The following MAP2K7 variants were observed in gnomAD, a reference collection of about 807,000 sequenced individuals.
MAP2K7 encodes the protein mitogen-activated protein kinase kinase 7.
A neutral mutation model predicts 47.7 loss-of-function variants in MAP2K7; 12 were observed. The ratio of observed to expected loss-of-function variants is 0.25; its 90% confidence interval spans 0.16 to 0.41. The LOEUF is 0.41. Ranked by LOEUF, MAP2K7 falls within the 10% of genes least tolerant of loss-of-function variation. The probability of loss-of-function intolerance (pLI) is 1.00; values close to 1 mark genes in which losing one functional copy is unlikely to be tolerated. For missense variants in MAP2K7, 415 were observed against 600.3 expected (o/e 0.69, Z 3.23); for synonymous variants, 299 against 243.0 (o/e 1.23, Z -2.14).
chr19:7,904,718 A>G (rs1982334516), intron 1 of MAP2K7, among the ~76,000 whole-genome samples: 1 of 151,890 alleles, frequency 6.6e-6, no homozygotes, highest in African/African-American at 2.4e-5. Flanking sequence ...CACATACACC[A>G]GGCCCCGCAA....
chr19:7,904,983 C>T (rs937334853), intron 1 of MAP2K7, among the ~76,000 whole-genome samples: 2 of 151,686 alleles, frequency 1.3e-5, no homozygotes, highest in African/African-American at 2.4e-5. Flanking sequence ...ACCTACCTCC[C>T]TGACACCTTG....
chr19:7,908,040 C>T (rs967943766), intron 1 of MAP2K7, among the ~76,000 whole-genome samples: 103 of 152,144 alleles, frequency 6.8e-4, no homozygotes, highest in African/African-American at 2.4e-3. Context: ...TGGCGTGTAC[C>T]TATAATCCCA....
intron 1 of MAP2K7, chr19:7,905,686 C>G (rs1053158498): frequency 7.6e-5 from 64 of 838,452 alleles, no homozygotes; most frequent in Non-Finnish European, 1.2e-4. Flanking sequence ...CTAGCCATCT[C>G]TGCAGTTCGG....
intron 8 of MAP2K7, 51 bp downstream of exon 8, chr19:7,911,381 G>A (rs747732489): frequency 5.0e-6 from 8 of 1,613,416 alleles, no homozygotes; most frequent in South Asian, 1.1e-5. Flanking sequence ...GGCTTCTGGG[G>A]GACTCGGAGG....
rs111372078 is a variant in MAP2K7, at chr19:7,905,332, C to T, written c.124+1264C>T. Among the ~76,000 whole-genome samples the T allele has an allele frequency of 8.4e-3, 1,278 of 152,322 alleles. 17 individuals are homozygous for T. Among genetic ancestry groups the T allele is most frequent in the African/African-American group, 0.029 (1,190 of 41,560 alleles). ...CTGACCTTCACAGCCTGACACCCTCCTGTCCCTCCCTCTCCTGACCTGAGT... is the reference window on the plus strand; with the variant it reads ...CTGACCTTCACAGCCTGACACCCTCTTGTCCCTCCCTCTCCTGACCTGAGT... On this transcript the variant is annotated intron_variant, in intron 1 of 10. Coordinates refer to ENST00000397979, the MANE Select transcript of MAP2K7 (RefSeq NM_145185.4).
intron 6 of MAP2K7, 67 bp from the exon 7 acceptor site, chr19:7,910,913 G>A (rs1414198051): frequency 1.8e-5 from 28 of 1,584,392 alleles, no homozygotes; most frequent in East Asian, 4.5e-5. Flanking sequence ...CAGGTGGGGC[G>A]TGCACCGGGC....
chr19:7,905,749 C>T (rs1599620503), intron 1 of MAP2K7: 19 of 1,382,854 alleles, frequency 1.4e-5, no homozygotes, highest in Admixed American at 3.4e-5. Context: ...TTGGACGAAT[C>T]AGTCGTTTCT....
chr19:7,912,110 C>T (rs376841833), intron 9 of MAP2K7, 39 bp from the exon 10 acceptor site: 1,081 of 1,604,628 alleles, frequency 6.7e-4, no homozygotes, highest in Non-Finnish European at 8.0e-4. Flanking sequence ...ATCCCCTCCT[C>T]CCTCGTTCTC....
rs924456776 is a variant in MAP2K7 at position 7,910,648 on chromosome 19, G to T, written c.568-48G>T. On this transcript the variant is annotated intron_variant, in intron 5 of 10. Coordinates refer to ENST00000397979, the MANE Select transcript of MAP2K7 (RefSeq NM_145185.4). ...CCTTCCTAGGGAGCAGAGCCTCTGG[G>T]GGGTGGGCCGGAAGACACAGCTCCC... 4 of 1,608,076 alleles carry T rather than the reference G, an allele frequency of 2.5e-6. No homozygotes were observed. The African/African-American group carries it at 5.3e-5, about 22-fold the overall frequency.
In MAP2K7 at chr19:7,912,551, G is replaced by A. The variant is rs1982959869; in HGVS notation, c.*120G>A. 2.5e-6 allele frequency: 3 copies of A among 1,223,618 alleles called. No individual in the cohort carries two copies. Among genetic ancestry groups the A allele is most frequent in the Admixed American group, 2.8e-5 (1 of 35,340 alleles). The allele number at this position is 1,223,618 out of a possible 1,614,324, so 75.8% of individuals were successfully genotyped here. ...GGGACCTGGACGGCCACCTAGGACTGAGGACAGAGAGTGGGGGGTGCCCAC... is the reference window on the plus strand; with the variant it reads ...GGGACCTGGACGGCCACCTAGGACTAAGGACAGAGAGTGGGGGGTGCCCAC... On this transcript the variant is annotated 3_prime_UTR_variant, in exon 11 of 11. Coordinates refer to ENST00000397979, the MANE Select transcript of MAP2K7 (RefSeq NM_145185.4).
rs568773901 is a variant in MAP2K7 at position 7,911,173 on chromosome 19, C to T, written c.855+14C>T. On this transcript the variant is annotated intron_variant, in intron 7 of 10. Transcript: ENST00000397979. The stretch of plus-strand genomic sequence containing the variant: ...GCCTACATGGCAGTGAGTGGGGGCC[C>T]CCCAGCGGGGGAGGGGGTGGGGGCT... The T allele has an allele frequency of 8.9e-5, 143 of 1,608,404 alleles. No homozygotes were observed. Among genetic ancestry groups the T allele is most frequent in the Non-Finnish European group, 1.0e-4 (122 of 1,177,254 alleles).
chr19:7,910,920 G>A (rs559725209), intron 6 of MAP2K7, 60 bp from the exon 7 acceptor site: 45 of 1,588,302 alleles, frequency 2.8e-5, no homozygotes, highest in South Asian at 7.8e-5. Context: ...GGCGTGCACC[G>A]GGCAGGTGGC....
chr19:7,906,031 C>T, intron 1 of MAP2K7: 4 of 651,148 alleles, frequency 6.1e-6, no homozygotes, highest in Non-Finnish European at 1.1e-5. Flanking sequence ...AGCCCAGCCT[C>T]CTCTGCGTCC....
At chr19:7,907,299 G>A (rs1982527354) in intron 1 of MAP2K7, among the ~76,000 whole-genome samples, 1 of 152,186 alleles carries the variant, frequency 6.6e-6, no homozygotes, top group Non-Finnish European at 1.5e-5. Context: ...GCCTGGCCCT[G>A]TGAGTGGTTG....
intron 1 of MAP2K7, among the ~76,000 whole-genome samples, chr19:7,907,232 G>A (rs1982522782): frequency 1.3e-5 from 2 of 152,144 alleles, no homozygotes; most frequent in Non-Finnish European, 2.9e-5. Flanking sequence ...GCGCCAGCCT[G>A]TGTGGGGCAT....
intron 1 of MAP2K7, among the ~76,000 whole-genome samples, chr19:7,908,069 G>A (rs755346529): frequency 1.3e-5 from 2 of 152,090 alleles, no homozygotes; most frequent in Non-Finnish European, 2.9e-5. Context: ...GGAGGCTGAG[G>A]CAGGAGAATC....
rs1315188513 is a variant in MAP2K7 at position 7,911,349 on chromosome 19, C to G, written c.936+19C>G. On this transcript the variant is annotated intron_variant, in intron 8 of 10. Coordinates refer to ENST00000397979, the MANE Select transcript of MAP2K7 (RefSeq NM_145185.4). ...CTCGTTGGTGAGTTGGGGCCCTCCC[C>G]TGTTCTCCAGCCAGGAGTGAGGGCT... 3.1e-6 allele frequency: 5 copies of G among 1,613,462 alleles called. No homozygotes were observed. In the African/African-American group the frequency reaches 5.3e-5, roughly 17 times the overall value.
rs999081212 is a variant in MAP2K7 at position 7,912,505 on chromosome 19, G to A, written c.*74G>A. On this transcript the variant is annotated 3_prime_UTR_variant, in exon 11 of 11. Coordinates refer to ENST00000397979, the MANE Select transcript of MAP2K7 (RefSeq NM_145185.4). ...GCCCCCCTCCCCACTTGGCCACCCA[G>A]CTGCCTGCCAGGGGAGACCTGGGAC... The A allele has an allele frequency of 1.9e-5, 29 of 1,509,748 alleles. No homozygotes were observed. The East Asian group carries it at 6.3e-4, about 33-fold the overall frequency. 93.5% of individuals were successfully genotyped at this position (1,509,748 alleles called of 1,614,324 possible). A position where few individuals can be genotyped will look rare whatever the true frequency, so the allele number is the denominator to read the frequency against.
chr19:7,912,727 C>T lies in MAP2K7; in HGVS notation c.*296C>T, dbSNP rs938574351. 15 of 460,194 alleles carry T rather than the reference C, an allele frequency of 3.3e-5. No homozygotes were observed. The highest frequency in any genetic ancestry group is 7.9e-5 in the African/African-American group (4 of 50,452). The allele number at this position is 460,194 out of a possible 1,614,324, so 28.5% of individuals were successfully genotyped here. A position where few individuals can be genotyped will look rare whatever the true frequency, so the allele number is the denominator to read the frequency against. ...TTCAGCCGCAGCCTCTGGGCCGGGGCGGCCCCCAGGGGCCAGGAGAGAGCC... is the reference window on the plus strand; with the variant it reads ...TTCAGCCGCAGCCTCTGGGCCGGGGTGGCCCCCAGGGGCCAGGAGAGAGCC... On this transcript the variant is annotated 3_prime_UTR_variant, in exon 11 of 11. Transcript: ENST00000397979.
Sources: allele counts gnomAD v4.1 joint callset (sites outside exome capture counted in the v4.1 genomes callset), GRCh38; gene constraint gnomAD v4.1.1; transcripts MANE v1.5; gene names NCBI Gene and HGNC (gene_info 2026-07-23, HGNC 2026-07-21).